Variants in LRP5 observed in about 807,000 individuals in gnomAD.
LRP5 encodes the protein low-density lipoprotein receptor-related protein 5.
Under a neutral mutation model 154.1 loss-of-function variants are expected in LRP5, and 62 were observed. The observed-to-expected ratio is 0.40, with a 90% CI of 0.33 to 0.50. LRP5 has a LOEUF of 0.50. LRP5 is among the 20% of genes least tolerant of loss of function. The pLI is 0.55. For missense variants in LRP5, 1,915 were observed against 2,336.7 expected (o/e 0.82, Z 3.72); for synonymous variants, 966 against 1,011.5 (o/e 0.96, Z 0.85).
intron 1 of LRP5, among the ~76,000 whole-genome samples, chr11:68,343,394 G>T (rs2098610288): frequency 6.6e-6 from 1 of 152,060 alleles, no homozygotes; most frequent in South Asian, 2.1e-4. Context: ...GTGTGTGTGT[G>T]TGTCTGAGGA....
At chr11:68,327,764 G>A (rs1471090164) in intron 1 of LRP5, among the ~76,000 whole-genome samples, 1 of 152,190 alleles carries the variant, frequency 6.6e-6, no homozygotes, top group Admixed American at 6.5e-5. Flanking sequence ...TTAGGAAGAA[G>A]AGGGAGCTTT....
the LRP5 span, among the ~76,000 whole-genome samples, chr11:68,301,230 G>A: frequency 6.7e-6 from 1 of 149,304 alleles, no homozygotes; most frequent in African/African-American, 2.4e-5. Flanking sequence ...TCCCTGTCAG[G>A]GCCACTGCAC....
In LRP5 at chr11:68,426,121, A is replaced by G; in HGVS notation, c.3571A>G (p.Ile1191Val). 6.2e-7 allele frequency: 1 copy of G among 1,613,294 alleles called. No homozygotes were observed. The highest frequency in any genetic ancestry group is 8.5e-7 in the Non-Finnish European group (1 of 1,180,028). Residue 1191 changes from isoleucine (I) to valine (V), a missense_variant, in exon 16 of 23, where the codon ATC becomes GTC. Ile to Val is a conservative substitution (Grantham distance 29). Coordinates refer to ENST00000294304, the MANE Select transcript of LRP5 (RefSeq NM_002335.4). ...EKTTGDKRTRIQGRVAHLTGI... is the reference protein window; with the variant it reads ...EKTTGDKRTRVQGRVAHLTGI... ...GACCACCGGGGACAAGCGGACTCGC[A>G]TCCAGGGCCGTGTCGCCCACCTCAC...
chr11:68,320,181 G>A (rs1419908294), intron 1 of LRP5, among the ~76,000 whole-genome samples: 1 of 152,016 alleles, frequency 6.6e-6, no homozygotes, highest in Non-Finnish European at 1.5e-5. Flanking sequence ...ATACATACAA[G>A]CATACATACA....
intron 21 of LRP5, among the ~76,000 whole-genome samples, chr11:68,445,997 G>A (rs959462438): frequency 6.6e-6 from 1 of 152,202 alleles, no homozygotes; most frequent in Non-Finnish European, 1.5e-5. Context: ...AGGGAGGAGG[G>A]GCAGGAGGAA....
At chr11:68,406,248 C>T (rs1293914061) in intron 8 of LRP5, among the ~76,000 whole-genome samples, 1 of 152,192 alleles carries the variant, frequency 6.6e-6, no homozygotes, top group Non-Finnish European at 1.5e-5. Flanking sequence ...TCTCCCACCA[C>T]CCCCACTACT....
At chr11:68,446,871 C>T (rs1246796020) in intron 22 of LRP5, 6 of 373,492 alleles carry the variant, frequency 1.6e-5, no homozygotes, top group Admixed American at 7.5e-5. Flanking sequence ...TGTTTGAGTC[C>T]GGCTGTGGAA....
intron 7 of LRP5, among the ~76,000 whole-genome samples, chr11:68,394,454 G>T (rs140652408): frequency 6.6e-6 from 1 of 151,442 alleles, no homozygotes; most frequent in African/African-American, 2.4e-5. Context: ...TGAGCACTGC[G>T]TGTTGATTAC....
At chr11:68,395,655 T>C (rs1001672485) in intron 7 of LRP5, among the ~76,000 whole-genome samples, 7 of 152,146 alleles carry the variant, frequency 4.6e-5, no homozygotes, top group African/African-American at 1.7e-4. Context: ...CTTTACCCTC[T>C]GTGGCCCTGG....
chr11:68,436,637 C>T (rs1301303786), intron 18 of LRP5, among the ~76,000 whole-genome samples: 4 of 152,136 alleles, frequency 2.6e-5, no homozygotes, highest in Non-Finnish European at 5.9e-5. Context: ...GCACCTGACA[C>T]ATACCTCCTG....
intron 1 of LRP5, among the ~76,000 whole-genome samples, chr11:68,337,344 G>A (rs1009115657): frequency 3.3e-5 from 5 of 152,176 alleles, no homozygotes; most frequent in African/African-American, 9.7e-5. Flanking sequence ...GGGTAGTAGC[G>A]TGAATAACTG....
intron 1 of LRP5, among the ~76,000 whole-genome samples, chr11:68,329,835 G>C (rs1277965673): frequency 2.0e-5 from 3 of 152,212 alleles, no homozygotes; most frequent in Non-Finnish European, 4.4e-5. Flanking sequence ...CCATGGCCTT[G>C]GGCCGCTTCC....
intron 3 of LRP5, 90 bp from the exon 4 acceptor site, chr11:68,363,656 CA>C (rs878962750): frequency 0.13 from 96,792 of 741,106 alleles, no homozygotes; most frequent in South Asian, 0.18. Flanking sequence ...GACTCCATCT[CA>C]AAAAAAAAAA....
intron 17 of LRP5, among the ~76,000 whole-genome samples, chr11:68,430,275 G>A (rs2098671174): frequency 6.6e-6 from 1 of 152,236 alleles, no homozygotes; most frequent in Non-Finnish European, 1.5e-5. Flanking sequence ...CCGGGTTCAA[G>A]TGATCCTCTT....
At chr11:68,363,697 T>C (rs1190521789) in intron 3 of LRP5, 50 bp from the exon 4 acceptor site, 2 of 1,453,164 alleles carry the variant, frequency 1.4e-6, no homozygotes, top group Admixed American at 3.5e-5. Flanking sequence ...CAGCAATGAC[T>C]GTCGGGGGAC....
chr11:68,425,784 G>A lies in LRP5; in HGVS notation c.3428-194G>A, dbSNP rs1026307718. 1.1e-4 allele frequency among the ~76,000 whole-genome samples: 17 copies of A among 152,054 alleles called. No individual in the cohort carries two copies. The East Asian group carries it at 3.3e-3, about 29-fold the overall frequency. On this transcript the variant is annotated intron_variant, in intron 15 of 22. Coordinates refer to ENST00000294304, the MANE Select transcript of LRP5 (RefSeq NM_002335.4). The stretch of plus-strand genomic sequence containing the variant: ...CCTTCATCCCGAGCCCAGCCCAGGT[G>A]GGAGCAGGGCTTTCCGAGGGCTTGT...
In LRP5 at chr11:68,425,043, C is replaced by T. The variant is rs140650867; in HGVS notation, c.3237-59C>T. ...CAGCCCAGCTGGGTGCCCTGGGCTC[C>T]GTGCTGTCCGAGGAGACGCCATCCC... On this transcript the variant is annotated intron_variant, in intron 14 of 22. Transcript: ENST00000294304. The T allele has an allele frequency of 7.1e-5, 108 of 1,531,482 alleles. 1 individual carries two copies. Among genetic ancestry groups the T allele is most frequent in the Admixed American group, 4.0e-4 (24 of 59,398 alleles). 94.9% of individuals were successfully genotyped at this position (1,531,482 alleles called of 1,614,324 possible). A position where few individuals can be genotyped will look rare whatever the true frequency, so the allele number is the denominator to read the frequency against.
the LRP5 span, among the ~76,000 whole-genome samples, chr11:68,304,447 G>A: frequency 1.3e-5 from 2 of 152,384 alleles, no homozygotes; most frequent in South Asian, 4.1e-4. Flanking sequence ...TGCAGGGGCA[G>A]AGCCTTCCCA....
At chr11:68,345,622 G>A (rs1429984612) in intron 1 of LRP5, among the ~76,000 whole-genome samples, 1 of 152,202 alleles carries the variant, frequency 6.6e-6, no homozygotes, top group Non-Finnish European at 1.5e-5. Flanking sequence ...GGATGCTGCT[G>A]TGATCCAAGG....
Sources: gnomAD v4.1 joint callset for allele counts (sites outside exome capture counted in the v4.1 genomes callset) on GRCh38, gnomAD v4.1.1 for gene constraint, MANE v1.5 for transcripts, NCBI Gene and HGNC (gene_info 2026-07-23, HGNC 2026-07-21) for gene names.